PLCL1: variants seen among roughly 807,000 people sequenced by gnomAD.
PLCL1 encodes inactive phospholipase C-like protein 1.
In PLCL1, 41 loss-of-function variants were observed where a neutral mutation model predicts 84.4. The observed-to-expected ratio is 0.49, with a 90% CI of 0.38 to 0.63. The LOEUF (loss-of-function observed/expected upper bound fraction) is 0.63, where lower values mean the gene tolerates loss of function less well. Ranked by LOEUF, PLCL1 falls within the 30% of genes least tolerant of loss-of-function variation. The probability of loss-of-function intolerance (pLI) is 0.00; values close to 1 mark genes in which losing one functional copy is unlikely to be tolerated. For synonymous variants in PLCL1, 490 were observed against 488.3 expected, an observed-to-expected ratio of 1.00 and a Z score of -0.05; for missense variants, 1,206 against 1,367.8, an observed-to-expected ratio of 0.88 and a Z score of 1.87.
intron 5 of PLCL1, among the ~76,000 whole-genome samples, chr2:198,121,056 T>A (rs1045355768): frequency 2.6e-5 from 4 of 152,116 alleles, no homozygotes; most frequent in Admixed American, 2.6e-4. Context: ...GTTTTGCATT[T>A]CTCTGATGAT....
intron 1 of PLCL1, among the ~76,000 whole-genome samples, chr2:197,993,614 A>C (rs577277182): frequency 6.6e-6 from 1 of 152,304 alleles, no homozygotes; most frequent in Non-Finnish European, 1.5e-5. Context: ...AGGAGAAGGC[A>C]TGAGGACAGA....
In PLCL1 at chr2:197,830,398, G is replaced by A. The variant is rs575679511; in HGVS notation, c.240+25059G>A. 2.4e-4 allele frequency among the ~76,000 whole-genome samples: 36 copies of A among 151,610 alleles called. 1 individual carries two copies. The highest frequency in any genetic ancestry group is 4.6e-4 in the Non-Finnish European group (31 of 67,908). On this transcript the variant is annotated intron_variant, in intron 1 of 5. Transcript: ENST00000428675. ...ATACAAAAGTATCACTAGCCGAATC[G>A]ATCAAGCAGAAGAAAGGATATCAGA...
intron 1 of PLCL1, among the ~76,000 whole-genome samples, chr2:198,078,730 A>G (rs1448878616): frequency 6.6e-6 from 1 of 152,112 alleles, no homozygotes; most frequent in Admixed American, 6.5e-5. Context: ...AAAACTTGCC[A>G]AAACACCAAA....
At position 197,906,310 on chromosome 2, in the gene PLCL1, T is replaced by C. The variant is rs149359717; in HGVS notation, c.240+100971T>C. ...AGTTTTCCCAATGCCATTTATCAAA[T>C]AGGGAATCCTTTCCCTATTGCTTTT... On this transcript the variant is annotated intron_variant, in intron 1 of 5. Transcript: ENST00000428675. Among the ~76,000 whole-genome samples the C allele has an allele frequency of 3.8e-3, 584 of 152,156 alleles. 6 individuals carry two copies. Among genetic ancestry groups the C allele is most frequent in the African/African-American group, 0.014 (565 of 41,506 alleles).
intron 1 of PLCL1, among the ~76,000 whole-genome samples, chr2:197,868,025 G>T (rs1229085855): frequency 6.6e-6 from 1 of 152,052 alleles, no homozygotes; most frequent in Non-Finnish European, 1.5e-5. Context: ...ATACCAAATG[G>T]TTGAAAACAA....
chr2:198,076,186 C>G lies in PLCL1; in HGVS notation c.241-7572C>G, dbSNP rs571696398. Reference sequence around the variant, plus strand: ...AAATGGACTCTTTTTTTTTTCTCAGCACTCTATCACTAGCTTTGCCTGTAG... The same window carrying G: ...AAATGGACTCTTTTTTTTTTCTCAGGACTCTATCACTAGCTTTGCCTGTAG... On this transcript the variant is annotated intron_variant, in intron 1 of 5. Transcript: ENST00000428675. 1.1e-4 allele frequency among the ~76,000 whole-genome samples: 17 copies of G among 151,278 alleles called. No individual in the cohort carries two copies. In the East Asian group the frequency reaches 3.1e-3, roughly 28 times the overall value.
At chr2:197,980,446 A>G (rs1334899441) in intron 1 of PLCL1, among the ~76,000 whole-genome samples, 2 of 152,234 alleles carry the variant, frequency 1.3e-5, no homozygotes, top group Non-Finnish European at 2.9e-5. Context: ...ATCTGGTGAC[A>G]TAGCCTGCTT....
At chr2:197,838,449 T>G (rs1691233112) in intron 1 of PLCL1, among the ~76,000 whole-genome samples, 1 of 152,234 alleles carries the variant, frequency 6.6e-6, no homozygotes, top group South Asian at 2.1e-4. Context: ...TCCTCAGTTT[T>G]AGTGTTGGAG....
intron 1 of PLCL1, among the ~76,000 whole-genome samples, chr2:198,032,542 CA>C (rs1337625218): frequency 6.6e-6 from 1 of 151,962 alleles, no homozygotes; most frequent in Non-Finnish European, 1.5e-5. Flanking sequence ...TCAGGTGAAC[CA>C]AATTATTCAT....
chr2:197,964,404 A>G (rs768882291), intron 1 of PLCL1, among the ~76,000 whole-genome samples: 1 of 151,866 alleles, frequency 6.6e-6, no homozygotes, highest in Non-Finnish European at 1.5e-5. Context: ...CATGTTGTTC[A>G]TTGTTGGCAT....
chr2:197,945,987 T>G (rs1689263882), intron 1 of PLCL1, among the ~76,000 whole-genome samples: 1 of 152,212 alleles, frequency 6.6e-6, no homozygotes, highest in African/African-American at 2.4e-5. Context: ...ACTCCTCTGA[T>G]AATTTAACAA....
chr2:198,122,259 T>TA lies in PLCL1; in HGVS notation c.3105+18332dup, dbSNP rs1010580994. On this transcript the variant is annotated intron_variant, in intron 5 of 5. Transcript: ENST00000428675. ...TTGCCTTTGGTTGCTCATAAGAGGA[T>TA]AAAAAAAAAGACACTTTAACTCCCT... 4.6e-5 allele frequency among the ~76,000 whole-genome samples: 7 copies of TA among 151,388 alleles called. No homozygotes were observed. In the South Asian group the frequency reaches 8.3e-4, roughly 18 times the overall value.
At chr2:198,126,156 C>T (rs748994365) in intron 5 of PLCL1, among the ~76,000 whole-genome samples, 7 of 152,126 alleles carry the variant, frequency 4.6e-5, no homozygotes, top group Admixed American at 3.3e-4. Context: ...TTTCCACTTA[C>T]TCCTTCTGCT....
At chr2:198,017,614 G>A (rs1691028749) in intron 1 of PLCL1, among the ~76,000 whole-genome samples, 1 of 152,178 alleles carries the variant, frequency 6.6e-6, no homozygotes, top group Non-Finnish European at 1.5e-5. Context: ...ACAGACCTGG[G>A]TAGCACATTG....
At chr2:197,881,937 T>C (rs1687838049) in intron 1 of PLCL1, among the ~76,000 whole-genome samples, 1 of 152,094 alleles carries the variant, frequency 6.6e-6, no homozygotes, top group Non-Finnish European at 1.5e-5. Context: ...AATCTGTAAA[T>C]ATTTTGTATT....
At chr2:197,861,972 C>A (rs1238213589) in intron 1 of PLCL1, among the ~76,000 whole-genome samples, 4 of 152,156 alleles carry the variant, frequency 2.6e-5, no homozygotes, top group African/African-American at 9.7e-5. Context: ...AGGCTCACGG[C>A]ACTCTTCTTT....
Position 198,148,396 on chromosome 2 carries a change from TG to T in PLCL1, c.*1435del, listed in dbSNP as rs1694577649. ...GCACATTACTGAAAGAGTAAAGATA[TG>T]AAAAAAACACTTATTGTTTTCTTTT... On this transcript the variant is annotated 3_prime_UTR_variant, in exon 6 of 6. Transcript: ENST00000428675. 1.3e-5 allele frequency: 2 copies of T among 152,246 alleles called. No individual in the cohort carries two copies. Among genetic ancestry groups the T allele is most frequent in the Non-Finnish European group, 1.5e-5 (1 of 68,000 alleles). 9.4% of individuals were successfully genotyped at this position (152,246 alleles called of 1,614,324 possible).
At chr2:197,922,220 G>A (rs566699570) in intron 1 of PLCL1, among the ~76,000 whole-genome samples, 28 of 99,142 alleles carry the variant, frequency 2.8e-4, no homozygotes, top group Non-Finnish European at 4.1e-4. Context: ...GACTCTTAAC[G>A]AGCATGCTGC....
At chr2:197,982,619 T>C (rs1690131507) in intron 1 of PLCL1, among the ~76,000 whole-genome samples, 1 of 152,220 alleles carries the variant, frequency 6.6e-6, no homozygotes, top group African/African-American at 2.4e-5. Flanking sequence ...TGGAAAATAA[T>C]CAGTTATGGG....
Sources: gnomAD v4.1 joint callset for allele counts (sites outside exome capture counted in the v4.1 genomes callset) on GRCh38, gnomAD v4.1.1 for gene constraint, MANE v1.5 for transcripts, NCBI Gene and HGNC (gene_info 2026-07-23, HGNC 2026-07-21) for gene names.